Variants in LRMDA observed in about 807,000 individuals in gnomAD.
LRMDA encodes leucine-rich melanocyte differentiation-associated protein.
In LRMDA, 18 loss-of-function variants were observed where a neutral mutation model predicts 29.8. The ratio of observed to expected loss-of-function variants is 0.60; its 90% CI spans 0.42 to 0.90. The LOEUF (loss-of-function observed/expected upper bound fraction) is 0.90. LRMDA is among the 40% of genes least tolerant of loss of function. LRMDA has a pLI of 0.00. For synonymous variants in LRMDA, 125 were observed against 109.4 expected, an observed-to-expected ratio of 1.14 and a Z score of -0.89; for missense variants, 273 against 273.9, an observed-to-expected ratio of 1.00 and a Z score of 0.02.
chr10:76,519,788 T>C (rs563931740), intron 6 of LRMDA, among the ~76,000 whole-genome samples: 4 of 152,132 alleles, frequency 2.6e-5, no homozygotes, highest in East Asian at 3.9e-4. Context: ...TGACTATTTT[T>C]ATTTTTATGT....
intron 2 of LRMDA, among the ~76,000 whole-genome samples, chr10:75,660,747 C>T (rs1475138582): frequency 6.7e-6 from 1 of 150,338 alleles, no homozygotes; most frequent in Non-Finnish European, 1.5e-5. Flanking sequence ...TTTTTTGAGA[C>T]TTGGGGGAGG....
intron 2 of LRMDA, among the ~76,000 whole-genome samples, chr10:75,784,932 G>A (rs769151059): frequency 6.6e-6 from 1 of 152,110 alleles, no homozygotes; most frequent in Non-Finnish European, 1.5e-5. Flanking sequence ...CGGGTAAATA[G>A]CCTTTACTTG....
chr10:75,821,479 A>G (rs1182253105), intron 2 of LRMDA, among the ~76,000 whole-genome samples: 1 of 152,174 alleles, frequency 6.6e-6, no homozygotes, highest in Non-Finnish European at 1.5e-5. Flanking sequence ...TCATGATAAA[A>G]CCCTTACTGG....
intron 2 of LRMDA, among the ~76,000 whole-genome samples, chr10:75,493,353 GTGTGTGT>G (rs1564785189): frequency 9.5e-5 from 14 of 147,822 alleles, no homozygotes; most frequent in Non-Finnish European, 1.2e-4. Flanking sequence ...GATTGGGTGT[GTGTGTGT>G]GTGTGTGTGT....
At chr10:76,548,411 A>G (rs2132392827) in intron 6 of LRMDA, among the ~76,000 whole-genome samples, 1 of 151,938 alleles carries the variant, frequency 6.6e-6, no homozygotes, top group East Asian at 1.9e-4. Context: ...TAGGAAGTCA[A>G]GAATAAAAAC....
At chr10:75,876,755 G>C (rs540035776) in intron 2 of LRMDA, among the ~76,000 whole-genome samples, 3 of 152,134 alleles carry the variant, frequency 2.0e-5, no homozygotes, top group Non-Finnish European at 2.9e-5. Flanking sequence ...ACTTTCCCAG[G>C]GGGCCTCATG....
Position 76,307,358 on chromosome 10 carries a change from C to T in LRMDA, c.517-17043C>T, listed in dbSNP as rs560805054. ...CCACTGCATAATGAGTTCAGTTTGGCCTAAAGATAATGATGAGATGTTTTG... is the reference window on the plus strand; with the variant it reads ...CCACTGCATAATGAGTTCAGTTTGGTCTAAAGATAATGATGAGATGTTTTG... On this transcript the variant is annotated intron_variant, in intron 5 of 6. Transcript: ENST00000611255. 4.6e-5 allele frequency among the ~76,000 whole-genome samples: 7 copies of T among 152,150 alleles called. No homozygotes were observed. In the East Asian group the frequency reaches 1.4e-3, roughly 29 times the overall value.
chr10:76,515,669 CA>C (rs1488850667), intron 6 of LRMDA, among the ~76,000 whole-genome samples: 1 of 152,040 alleles, frequency 6.6e-6, no homozygotes, highest in Non-Finnish European at 1.5e-5. Context: ...CCACACCCAG[CA>C]AATTTTTGTA....
intron 6 of LRMDA, among the ~76,000 whole-genome samples, chr10:76,424,428 A>C (rs1488016253): frequency 2.2e-4 from 34 of 152,158 alleles, no homozygotes; most frequent in Non-Finnish European, 1.5e-5. Flanking sequence ...AGTCCCAGCT[A>C]CTTGGGAGGC....
intron 2 of LRMDA, among the ~76,000 whole-genome samples, chr10:75,692,208 G>GAAAAAAA (rs528945539): frequency 4.9e-5 from 3 of 61,108 alleles, no homozygotes; most frequent in African/African-American, 2.4e-4. Flanking sequence ...TCTCTGGGGG[G>GAAAAAAA]AAAAAAAAAA....
intron 2 of LRMDA, among the ~76,000 whole-genome samples, chr10:75,506,238 C>A (rs558585693): frequency 2.0e-5 from 3 of 152,096 alleles, no homozygotes; most frequent in African/African-American, 7.2e-5. Flanking sequence ...CATGGCATTA[C>A]GCAGGTGTGA....
intron 2 of LRMDA, among the ~76,000 whole-genome samples, chr10:75,586,031 G>C (rs1485046954): frequency 2.0e-5 from 3 of 152,118 alleles, no homozygotes; most frequent in Non-Finnish European, 4.4e-5. Context: ...AGGGTGGGTA[G>C]TAGTCTATTG....
intron 2 of LRMDA, among the ~76,000 whole-genome samples, chr10:75,491,485 G>A (rs1448158124): frequency 2.0e-5 from 3 of 152,098 alleles, no homozygotes; most frequent in Non-Finnish European, 4.4e-5. Flanking sequence ...CCTTTGTTAT[G>A]TATTACTTTC....
At position 75,698,263 on chromosome 10, in the gene LRMDA, C is replaced by T. The variant is rs186737554; in HGVS notation, c.131+259769C>T. ...CAGATTTGGATTCCAACCCCAGCTCCGACCCCTACTCTCTGTGCTACTTTA... is the reference window on the plus strand; with the variant it reads ...CAGATTTGGATTCCAACCCCAGCTCTGACCCCTACTCTCTGTGCTACTTTA... On this transcript the variant is annotated intron_variant, in intron 2 of 6. Coordinates refer to ENST00000611255, the MANE Select transcript of LRMDA (RefSeq NM_001305581.2). Among the ~76,000 whole-genome samples, 208 of 152,182 alleles carry T rather than the reference C, an allele frequency of 1.4e-3. 1 individual carries two copies. Among genetic ancestry groups the T allele is most frequent in the African/African-American group, 4.1e-3 (170 of 41,516 alleles).
intron 2 of LRMDA, among the ~76,000 whole-genome samples, chr10:75,847,878 T>C (rs531926649): frequency 1.3e-5 from 2 of 152,262 alleles, no homozygotes; most frequent in African/African-American, 4.8e-5. Context: ...CTTATACCCA[T>C]TTGGATGGCC....
intron 6 of LRMDA, among the ~76,000 whole-genome samples, chr10:76,353,834 A>T (rs1841207778): frequency 6.6e-6 from 1 of 152,046 alleles, no homozygotes; most frequent in African/African-American, 2.4e-5. Flanking sequence ...CTGTTCCATT[A>T]CTTTGTAATA....
At position 76,376,053 on chromosome 10, in the gene LRMDA, T is replaced by A. The variant is rs550550495; in HGVS notation, c.601+51568T>A. On this transcript the variant is annotated intron_variant, in intron 6 of 6. Transcript: ENST00000611255. Reference sequence around the variant, plus strand: ...CAAGTACATTATTATTACATGGTTTTATTGAATAGTGATGAAGAGTGGGCT... The same window carrying A: ...CAAGTACATTATTATTACATGGTTTAATTGAATAGTGATGAAGAGTGGGCT... 2.6e-5 allele frequency among the ~76,000 whole-genome samples: 4 copies of A among 152,230 alleles called. No homozygotes were observed. The East Asian group carries it at 7.7e-4, about 29-fold the overall frequency.
chr10:76,482,455 T>C (rs1842741465), intron 6 of LRMDA, among the ~76,000 whole-genome samples: 1 of 151,974 alleles, frequency 6.6e-6, no homozygotes, highest in Non-Finnish European at 1.5e-5. Flanking sequence ...TATGTATTCT[T>C]TTTGTCTGGA....
chr10:75,858,912 T>G (rs962745225), intron 2 of LRMDA, among the ~76,000 whole-genome samples: 26 of 152,372 alleles, frequency 1.7e-4, no homozygotes, highest in African/African-American at 6.3e-4. Flanking sequence ...CTTCTGTGAA[T>G]TTATATCCCT....
Sources: gnomAD v4.1 joint callset for allele counts (sites outside exome capture counted in the v4.1 genomes callset) on GRCh38, gnomAD v4.1.1 for gene constraint, MANE v1.5 for transcripts, NCBI Gene and HGNC (gene_info 2026-07-23, HGNC 2026-07-21) for gene names.